The following MAGI1 variants were observed in gnomAD, a reference collection of about 807,000 sequenced individuals.
MAGI1 encodes the protein membrane associated guanylate kinase, WW and PDZ domain containing 1, also known as membrane-associated guanylate kinase, WW and PDZ domain-containing protein 1.
Under a neutral mutation model 139.9 loss-of-function variants are expected in MAGI1, and 58 were observed. The observed-to-expected ratio is 0.41, with a 90% CI of 0.34 to 0.52. The LOEUF is 0.52. Among genes scored for constraint, MAGI1 ranks in the 20% least tolerant of loss-of-function variants. MAGI1 has a pLI of 0.12. For synonymous variants in MAGI1, 812 were observed against 737.9 expected (o/e 1.10, Z -1.63); for missense variants, 1,874 against 1,901.6 (o/e 0.99, Z 0.27).
intron 9 of MAGI1, among the ~76,000 whole-genome samples, chr3:65,438,982 G>A (rs1207593486): frequency 6.6e-6 from 1 of 152,068 alleles, no homozygotes; most frequent in Non-Finnish European, 1.5e-5. Flanking sequence ...GTTTACATTT[G>A]TTATATTCAA....
Position 65,677,091 on chromosome 3 carries a change from T to G in MAGI1, c.314-55003A>C, listed in dbSNP as rs924564453. Reference sequence around the variant, plus strand: ...ACACGATGAGAAAGAGATAAACAATTCAGGGTAGTTTAAGATTAGGAGAAC... The same window carrying G: ...ACACGATGAGAAAGAGATAAACAATGCAGGGTAGTTTAAGATTAGGAGAAC... On this transcript the variant is annotated intron_variant, in intron 1 of 22. Coordinates refer to ENST00000402939, the MANE Select transcript of MAGI1 (RefSeq NM_001033057.2). Among the ~76,000 whole-genome samples the G allele has an allele frequency of 7.2e-5, 11 of 152,292 alleles. No homozygotes were observed. The South Asian group carries it at 1.0e-3, about 14-fold the overall frequency.
intron 2 of MAGI1, among the ~76,000 whole-genome samples, chr3:65,539,935 T>C (rs888962557): frequency 6.6e-6 from 1 of 152,126 alleles, no homozygotes; most frequent in Non-Finnish European, 1.5e-5. Flanking sequence ...TAAACAAAGT[T>C]TGGATTTCAG....
intron 1 of MAGI1, among the ~76,000 whole-genome samples, chr3:65,696,086 G>A (rs542008849): frequency 8.3e-4 from 126 of 152,276 alleles, no homozygotes; most frequent in African/African-American, 2.8e-3. Context: ...ATGGGTTCCA[G>A]CTTCACTGGC....
At chr3:65,649,935 T>C (rs898870000) in intron 1 of MAGI1, among the ~76,000 whole-genome samples, 9 of 152,256 alleles carry the variant, frequency 5.9e-5, no homozygotes, top group South Asian at 2.1e-4. Flanking sequence ...CTCTGGAAAA[T>C]AGATTGGTAG....
At chr3:65,863,168 A>G (rs1411984387) in intron 1 of MAGI1, among the ~76,000 whole-genome samples, 1 of 152,222 alleles carries the variant, frequency 6.6e-6, no homozygotes, top group Non-Finnish European at 1.5e-5. Flanking sequence ...ATTCGGATCA[A>G]TCTTCAAGGA....
chr3:65,477,045 G>A (rs560766439), intron 4 of MAGI1, among the ~76,000 whole-genome samples: 1 of 152,282 alleles, frequency 6.6e-6, no homozygotes, highest in South Asian at 2.1e-4. Context: ...ATCCTAGCGA[G>A]TCATTTTACA....
chr3:65,992,339 T>G (rs73833321), intron 1 of MAGI1, among the ~76,000 whole-genome samples: 4,643 of 152,304 alleles, frequency 0.03, 92 homozygotes, highest in African/African-American at 0.059. Context: ...TTCCATAGAT[T>G]ATTTAGTACA....
chr3:65,748,018 T>A (rs1482715946), intron 1 of MAGI1, among the ~76,000 whole-genome samples: 1 of 152,130 alleles, frequency 6.6e-6, no homozygotes, highest in Non-Finnish European at 1.5e-5. Context: ...TTTAAAAAGA[T>A]ATTGCTTCAC....
At chr3:65,862,192 G>T (rs2059579212) in intron 1 of MAGI1, among the ~76,000 whole-genome samples, 2 of 152,130 alleles carry the variant, frequency 1.3e-5, no homozygotes, top group South Asian at 4.1e-4. Flanking sequence ...CTCACGCGCT[G>T]GACTAAGACT....
At chr3:65,645,018 GA>G (rs56743130) in intron 1 of MAGI1, among the ~76,000 whole-genome samples, 5,856 of 141,970 alleles carry the variant, frequency 0.041, 160 homozygotes, top group Non-Finnish European at 0.057. Context: ...TAAAAAGAAA[GA>G]AAAAAAAAAC....
chr3:65,753,697 C>CAA (rs35459634), intron 1 of MAGI1, among the ~76,000 whole-genome samples: 10 of 104,182 alleles, frequency 9.6e-5, no homozygotes, highest in East Asian at 9.5e-4. Flanking sequence ...AACTCCATCT[C>CAA]AAAAAAAAAA....
chr3:65,963,204 G>A (rs1171100638), intron 1 of MAGI1, among the ~76,000 whole-genome samples: 2 of 151,110 alleles, frequency 1.3e-5, no homozygotes, highest in East Asian at 3.9e-4. Flanking sequence ...CCCAGCTACT[G>A]GGAAGGCTGA....
intron 1 of MAGI1, among the ~76,000 whole-genome samples, chr3:65,931,684 A>G (rs1576124614): frequency 6.6e-6 from 1 of 152,208 alleles, no homozygotes; most frequent in South Asian, 2.1e-4. Context: ...GTAAAAGTCC[A>G]CTTGCATTCT....
chr3:66,018,218 C>T (rs1352538678), intron 1 of MAGI1, among the ~76,000 whole-genome samples: 1 of 151,736 alleles, frequency 6.6e-6, no homozygotes, highest in Non-Finnish European at 1.5e-5. Context: ...CCCCAACACA[C>T]ACAGGAGCAG....
At chr3:65,389,841 T>C (rs1207088448) in intron 14 of MAGI1, among the ~76,000 whole-genome samples, 2 of 152,172 alleles carry the variant, frequency 1.3e-5, no homozygotes, top group Non-Finnish European at 2.9e-5. Flanking sequence ...CCATGCATTG[T>C]GGTACCAAGA....
At chr3:66,024,558 G>A (rs1215049081) in intron 1 of MAGI1, among the ~76,000 whole-genome samples, 1 of 152,132 alleles carries the variant, frequency 6.6e-6, no homozygotes, top group Non-Finnish European at 1.5e-5. Flanking sequence ...TGTAATCCCA[G>A]CACTTTGGGA....
At chr3:66,009,380 G>A (rs1184764792) in intron 1 of MAGI1, among the ~76,000 whole-genome samples, 3 of 151,988 alleles carry the variant, frequency 2.0e-5, no homozygotes, top group Non-Finnish European at 2.9e-5. Context: ...CGTGGTGGCC[G>A]GTGCTTGTAA....
At chr3:65,747,676 A>G (rs11707106) in intron 1 of MAGI1, among the ~76,000 whole-genome samples, 41,157 of 152,112 alleles carry the variant, frequency 0.27, 6,652 homozygotes, top group East Asian at 0.43. Flanking sequence ...AGATTCATCA[A>G]TGGTAACAAA....
At chr3:65,524,420 T>A (rs1437314800) in intron 2 of MAGI1, among the ~76,000 whole-genome samples, 1 of 152,194 alleles carries the variant, frequency 6.6e-6, no homozygotes, top group East Asian at 1.9e-4. Flanking sequence ...ACTGGGAACT[T>A]ACAGGACTTA....
Sources: allele counts gnomAD v4.1 joint callset (sites outside exome capture counted in the v4.1 genomes callset), GRCh38; gene constraint gnomAD v4.1.1; transcripts MANE v1.5; gene names NCBI Gene and HGNC (gene_info 2026-07-23, HGNC 2026-07-21).